Variants in TCF7L1 observed in about 807,000 individuals in gnomAD.
The protein encoded by TCF7L1 is transcription factor 7-like 1.
In TCF7L1, 18 loss-of-function variants were observed where a neutral mutation model predicts 63.7. The observed-to-expected ratio is 0.28, with a 90% CI of 0.20 to 0.42. The LOEUF is 0.42. Among genes scored for constraint, TCF7L1 ranks in the 10% least tolerant of loss-of-function variants. TCF7L1 has a pLI of 1.00. For synonymous variants in TCF7L1, 355 were observed against 340.9 expected (o/e 1.04, Z -0.46); for missense variants, 654 against 779.3 (o/e 0.84, Z 1.91).
chr2:85,202,214 T>A (rs1679287876), intron 3 of TCF7L1, among the ~76,000 whole-genome samples: 1 of 152,188 alleles, frequency 6.6e-6, no homozygotes, highest in Admixed American at 6.5e-5. Context: ...CTGCCTGCCT[T>A]GGACCCCCCA....
intron 3 of TCF7L1, among the ~76,000 whole-genome samples, chr2:85,205,894 G>T (rs1238497745): frequency 6.6e-6 from 1 of 152,208 alleles, no homozygotes; most frequent in Non-Finnish European, 1.5e-5. Context: ...GGACTTGATG[G>T]AAAAATTGAA....
At chr2:85,277,418 T>G (rs1185815417) in intron 3 of TCF7L1, among the ~76,000 whole-genome samples, 1 of 152,126 alleles carries the variant, frequency 6.6e-6, no homozygotes, top group Non-Finnish European at 1.5e-5. Context: ...ACCCGGAGTT[T>G]GGGTGTAGCC....
rs755638301 is a variant in TCF7L1 at position 85,306,403 on chromosome 2, C to T, written c.1149+38C>T. On this transcript the variant is annotated intron_variant, in intron 9 of 11. Coordinates refer to ENST00000282111, the MANE Select transcript of TCF7L1 (RefSeq NM_031283.3). This position sits in a 1 kb window ranked among gnomAD's most constrained non-coding sequence, Gnocchi z 4.3. ...CTCTCCCTCCAGGCCAGGGAGGCAG[C>T]GTCCCTGCATTGATGGCTCCGTGTG... 12 of 1,612,764 alleles carry T rather than the reference C, an allele frequency of 7.4e-6. No homozygotes were observed. Among genetic ancestry groups the T allele is most frequent in the Admixed American group, 1.7e-5 (1 of 60,008 alleles).
At chr2:85,235,071 T>C (rs926596168) in intron 3 of TCF7L1, among the ~76,000 whole-genome samples, 1 of 152,122 alleles carries the variant, frequency 6.6e-6, no homozygotes, top group African/African-American at 2.4e-5. Context: ...TGTAAGTGGC[T>C]GTGAAGAGGC....
At chr2:85,283,069 G>A (rs968873021) in intron 3 of TCF7L1, among the ~76,000 whole-genome samples, 3 of 151,982 alleles carry the variant, frequency 2.0e-5, no homozygotes, top group African/African-American at 4.8e-5. Context: ...TGTGGATGTC[G>A]TAAGTGATGG....
rs372950728 is a variant in TCF7L1 at position 85,242,611 on chromosome 2, TG to T, written c.442-40883del. 2.1e-3 allele frequency among the ~76,000 whole-genome samples: 319 copies of T among 152,352 alleles called. 2 individuals are homozygous for T. The highest frequency in any genetic ancestry group is 7.4e-3 in the African/African-American group (309 of 41,574). ...CTTTTCCTTGAATGGGGCTTGGCAT[TG>T]AGGTTTGTGCACACCCTGTATAGAA... is the stretch of plus-strand genomic sequence containing the variant. On this transcript the variant is annotated intron_variant, in intron 3 of 11. Transcript: ENST00000282111.
chr2:85,289,981 T>G (rs1446457495), intron 4 of TCF7L1, among the ~76,000 whole-genome samples: 1 of 145,940 alleles, frequency 6.9e-6, no homozygotes, highest in Non-Finnish European at 1.5e-5. Flanking sequence ...GCCCAGTTTT[T>G]TTTTTTTTTT....
chr2:85,263,057 C>T (rs1680891941), intron 3 of TCF7L1, among the ~76,000 whole-genome samples: 1 of 152,200 alleles, frequency 6.6e-6, no homozygotes, highest in Admixed American at 6.5e-5. Context: ...CCCTCAGCAG[C>T]CCTTTGCCTT....
At chr2:85,190,005 C>T (rs1165429914) in intron 3 of TCF7L1, among the ~76,000 whole-genome samples, 1 of 152,180 alleles carries the variant, frequency 6.6e-6, no homozygotes, top group Non-Finnish European at 1.5e-5. Context: ...TGAGCAAGTT[C>T]AGGGCTGCTA....
At chr2:85,246,379 A>G (rs957374789) in intron 3 of TCF7L1, among the ~76,000 whole-genome samples, 1 of 152,268 alleles carries the variant, frequency 6.6e-6, no homozygotes, top group African/African-American at 2.4e-5. Flanking sequence ...AGAGTGTCAC[A>G]TGCCTTTCAT....
chr2:85,203,666 C>G (rs993101755), intron 3 of TCF7L1, among the ~76,000 whole-genome samples: 1 of 151,196 alleles, frequency 6.6e-6, no homozygotes, highest in Non-Finnish European at 1.5e-5. Context: ...GAGGTCGAGG[C>G]TGCAGTGAGC....
At chr2:85,278,632 T>A (rs1444387539) in intron 3 of TCF7L1, among the ~76,000 whole-genome samples, 1 of 152,108 alleles carries the variant, frequency 6.6e-6, no homozygotes, top group Non-Finnish European at 1.5e-5. Context: ...AATGTAAAAA[T>A]AGGATTAGAA....
chr2:85,180,246 G>C (rs1461051253), intron 3 of TCF7L1, among the ~76,000 whole-genome samples: 2 of 127,606 alleles, frequency 1.6e-5, no homozygotes, highest in African/African-American at 6.3e-5. Context: ...TTTTTTTTTT[G>C]GTAGAGACAG....
chr2:85,172,062 G>A (rs1392797650), intron 3 of TCF7L1, among the ~76,000 whole-genome samples: 1 of 152,060 alleles, frequency 6.6e-6, no homozygotes, highest in Non-Finnish European at 1.5e-5. Context: ...TGTCCTCCCC[G>A]AGGCCTGTTT....
chr2:85,201,420 G>A (rs1329154518), intron 3 of TCF7L1, among the ~76,000 whole-genome samples: 1 of 152,180 alleles, frequency 6.6e-6, no homozygotes, highest in African/African-American at 2.4e-5. Flanking sequence ...AAATAGACTA[G>A]TATCTACGTA....
Position 85,306,077 on chromosome 2 carries a change from C to T in TCF7L1, c.990-129C>T. 6 of 1,061,926 alleles carry T rather than the reference C, an allele frequency of 5.7e-6. No homozygotes were observed. In the South Asian group the frequency reaches 9.1e-5, roughly 16 times the overall value. The allele number at this position is 1,061,926 out of a possible 1,614,324, so 65.8% of individuals were successfully genotyped here. On this transcript the variant is annotated intron_variant, in intron 8 of 11. Coordinates refer to ENST00000282111, the MANE Select transcript of TCF7L1 (RefSeq NM_031283.3). This position sits in a 1 kb window ranked among gnomAD's most constrained non-coding sequence, Gnocchi z 4.3. ...TCAGGTGTTGAGTGCAGCCATGGGG[C>T]CACTTGAATTAGCATCCAGGCAGCC...
rs1034935809 is a variant in TCF7L1 at position 85,208,397 on chromosome 2, T to A, written c.441+73947T>A. Among the ~76,000 whole-genome samples the A allele has an allele frequency of 4.0e-4, 61 of 152,130 alleles. 1 individual carries two copies. The highest frequency in any genetic ancestry group is 1.4e-3 in the African/African-American group (58 of 41,484). ...GAGAGAGACATACGTATACAGCGTG[T>A]CAGGTGGGAAAGGGCACTATGAGCA... is the stretch of plus-strand genomic sequence containing the variant. On this transcript the variant is annotated intron_variant, in intron 3 of 11. Transcript: ENST00000282111.
chr2:85,272,788 C>T lies in TCF7L1; in HGVS notation c.442-10707C>T, dbSNP rs1454767331. On this transcript the variant is annotated intron_variant, in intron 3 of 11. Transcript: ENST00000282111. Reference sequence around the variant, plus strand: ...CCAGCCTGGCTGACAGGGCAAGACCCTATCAATCAATCCATTAACCAGTAT... The same window carrying T: ...CCAGCCTGGCTGACAGGGCAAGACCTTATCAATCAATCCATTAACCAGTAT... Among the ~76,000 whole-genome samples, 2 of 152,076 alleles carry T rather than the reference C, an allele frequency of 1.3e-5. 1 individual carries two copies. The highest frequency in any genetic ancestry group is 2.9e-5 in the Non-Finnish European group (2 of 68,010).
chr2:85,158,425 C>T (rs1678202341), intron 3 of TCF7L1, among the ~76,000 whole-genome samples: 1 of 152,160 alleles, frequency 6.6e-6, no homozygotes, highest in Non-Finnish European at 1.5e-5. Context: ...GGCCCAAACC[C>T]CTGCAGGCTG....
Sources: gnomAD v4.1 joint callset for allele counts (sites outside exome capture counted in the v4.1 genomes callset) on GRCh38, gnomAD v4.1.1 for gene constraint, Gnocchi (gnomAD v3.1) non-coding constraint, MANE v1.5 for transcripts, NCBI Gene and HGNC (gene_info 2026-07-23, HGNC 2026-07-21) for gene names.